IFT140: variants seen among roughly 807,000 people sequenced by gnomAD.
The protein encoded by IFT140 is intraflagellar transport 140, also known as intraflagellar transport protein 140 homolog.
IFT140 carries 133 observed loss-of-function variants against 164.6 expected under a neutral mutation model. That is an observed-to-expected ratio of 0.81 (90% CI 0.70 to 0.93). The LOEUF (loss-of-function observed/expected upper bound fraction) is 0.93. Among genes scored for constraint, IFT140 ranks in the 40% least tolerant of loss-of-function variants. IFT140 has a pLI of 0.00. For synonymous variants in IFT140, 860 were observed against 817.3 expected, an observed-to-expected ratio of 1.05 and a Z score of -0.89; for missense variants, 2,045 against 1,972.3, an observed-to-expected ratio of 1.04 and a Z score of -0.70.
chr16:1,542,115 C>A (rs755334652), intron 19 of IFT140: 2 of 1,532,928 alleles, frequency 1.3e-6, no homozygotes, highest in Admixed American at 2.0e-5. Context: ...CGCCCTTGCC[C>A]CCTGTGGCCT....
chr16:1,571,084 A>G (rs1035033792), intron 14 of IFT140, among the ~76,000 whole-genome samples: 1 of 152,148 alleles, frequency 6.6e-6, no homozygotes, highest in Non-Finnish European at 1.5e-5. Flanking sequence ...ATTTGTATAC[A>G]TTAAGGTTCA....
rs558996512 is a variant in IFT140, at chr16:1,560,584, C to A, written c.2199+1401G>T. Reference sequence around the variant, plus strand: ...TGGAGCCGGTGCGCCCGCGGTCCACCGTGGTGGCTGCTGGTGCAGTAGCAT... The same window carrying A: ...TGGAGCCGGTGCGCCCGCGGTCCACAGTGGTGGCTGCTGGTGCAGTAGCAT... On this transcript the variant is annotated intron_variant, in intron 18 of 30. Coordinates refer to ENST00000426508, the MANE Select transcript of IFT140 (RefSeq NM_014714.4). Among the ~76,000 whole-genome samples the A allele has an allele frequency of 8.6e-5, 13 of 150,742 alleles. No homozygotes were observed. In the East Asian group the frequency reaches 2.6e-3, roughly 30 times the overall value.
chr16:1,592,092 G>GA, intron 6 of IFT140, 84 bp downstream of exon 6: 1 of 1,465,888 alleles, frequency 6.8e-7, no homozygotes, highest in Non-Finnish European at 9.4e-7. Flanking sequence ...GTTCTATGCA[G>GA]AAACGCCATC....
intron 19 of IFT140, among the ~76,000 whole-genome samples, chr16:1,535,008 G>A (rs1350965961): frequency 2.0e-5 from 3 of 151,864 alleles, no homozygotes; most frequent in African/African-American, 7.3e-5. Flanking sequence ...AGTTCAAGAC[G>A]AACCTAGCCT....
chr16:1,584,064 T>A (rs1200990493), intron 11 of IFT140, among the ~76,000 whole-genome samples, 153 bp downstream of exon 11: 1 of 152,166 alleles, frequency 6.6e-6, no homozygotes, highest in Non-Finnish European at 1.5e-5. Context: ...TCTTTATGAA[T>A]ATAATGTACA....
intron 30 of IFT140, among the ~76,000 whole-genome samples, chr16:1,517,730 C>T (rs569136228): frequency 4.6e-5 from 7 of 152,202 alleles, no homozygotes; most frequent in African/African-American, 1.2e-4. Context: ...TATTCAGACT[C>T]GGGTACATGC....
At position 1,590,766 on chromosome 16, in the gene IFT140, TATTA is replaced by T. The variant is rs530142793; in HGVS notation, c.635-990_635-987del. Among the ~76,000 whole-genome samples, 23 of 152,232 alleles carry T rather than the reference TATTA, an allele frequency of 1.5e-4. No individual in the cohort carries two copies. In the South Asian group the frequency reaches 4.8e-3, roughly 32 times the overall value. On this transcript the variant is annotated intron_variant, in intron 6 of 30. Transcript: ENST00000426508. The stretch of plus-strand genomic sequence containing the variant: ...ATGGATAATGAGTTCTTATTTTTAT[TATTA>T]ATTCTTTTTTCAAGAGACAGGTTCT...
At chr16:1,555,073 C>T in intron 19 of IFT140, 1 of 1,567,902 alleles carries the variant, frequency 6.4e-7, no homozygotes, top group Non-Finnish European at 8.6e-7. Flanking sequence ...TATCGTGGAA[C>T]AGCCTAGAAA....
chr16:1,583,951 T>C (rs1221887724), intron 11 of IFT140, among the ~76,000 whole-genome samples: 1 of 152,172 alleles, frequency 6.6e-6, no homozygotes, highest in Non-Finnish European at 1.5e-5. Flanking sequence ...GCCAGGCTGG[T>C]CTCGAACTCC....
chr16:1,557,857 C>A (rs1299078199), intron 19 of IFT140, 78 bp downstream of exon 19: 2 of 1,423,266 alleles, frequency 1.4e-6, no homozygotes, highest in Non-Finnish European at 2.0e-6. Flanking sequence ...ACAGGCGAAC[C>A]AAGAAGGCAA....
chr16:1,568,238 G>A lies in IFT140; in HGVS notation c.1749C>T (p.Thr583=), dbSNP rs754445397. The A allele has an allele frequency of 1.2e-6, 2 of 1,606,814 alleles. No homozygotes were observed. Among genetic ancestry groups the A allele is most frequent in the East Asian group, 4.5e-5 (2 of 44,628 alleles). ...ASLRCSSSGS[T]ISILPSKADN... ...TCACCTTGCTGGGGAGGATGCTGAT[G>A]GTGCTCCCGCTGCTGCTGCACCGCA... Residue 583 remains threonine (T), a synonymous_variant, in exon 15 of 31, where the codon ACC becomes ACT. Transcript: ENST00000426508.
chr16:1,527,941 A>G (rs2078679186), intron 19 of IFT140, among the ~76,000 whole-genome samples: 1 of 152,170 alleles, frequency 6.6e-6, no homozygotes, highest in Non-Finnish European at 1.5e-5. Flanking sequence ...ACCAGAAATG[A>G]CTGAGGACTT....
intron 19 of IFT140, among the ~76,000 whole-genome samples, chr16:1,552,049 C>A (rs976838727): frequency 4.6e-5 from 7 of 152,160 alleles, no homozygotes; most frequent in Non-Finnish European, 1.0e-4. Context: ...GGGAGGTTGA[C>A]CCTGGAAGCC....
rs771189923 is a variant in IFT140, at chr16:1,587,962, G to A, written c.873C>T (p.Leu291=). 1.2e-6 allele frequency: 2 copies of A among 1,613,350 alleles called. No individual in the cohort carries two copies. Among genetic ancestry groups the A allele is most frequent in the South Asian group, 1.1e-5 (1 of 90,870 alleles). Residue 291 remains leucine, a synonymous_variant, in exon 8 of 31, where the codon CTC becomes CTT. Coordinates refer to ENST00000426508, the MANE Select transcript of IFT140 (RefSeq NM_014714.4). ...GGGCAGCCTCCCCGACGGCCATCAC[G>A]AGAAGGCTGCCTTCAATCAAAGCGA... The part of the protein sequence containing the change: ...ADIALIEGSL[L]VMAVGEAALR...
rs1318596942 is a variant in IFT140, at chr16:1,525,974, T to C, written c.2681A>G (p.His894Arg). 2.5e-6 allele frequency: 4 copies of C among 1,591,318 alleles called. No individual in the cohort carries two copies. The highest frequency in any genetic ancestry group is 2.6e-6 in the Non-Finnish European group (3 of 1,170,056). Residue 894 changes from histidine (H) to arginine (R), a missense_variant, in exon 21 of 31, where the codon CAC becomes CGC. Coordinates refer to ENST00000426508, the MANE Select transcript of IFT140 (RefSeq NM_014714.4). ...GCTGCGCAGGTGCACGCGATCGTGG[T>C]GCTCGGCTACCTGGAGGGCCTCCTG... is the stretch of plus-strand genomic sequence containing the variant. ...RWQEALQVAE[H>R]HDRVHLRSTY...
intron 30 of IFT140, among the ~76,000 whole-genome samples, chr16:1,515,355 A>G (rs540454106): frequency 1.3e-5 from 2 of 152,322 alleles, no homozygotes; most frequent in East Asian, 3.9e-4. Flanking sequence ...TCCAGAAACA[A>G]TGGAGGCCCA....
At chr16:1,570,952 T>C (rs941486851) in intron 14 of IFT140, among the ~76,000 whole-genome samples, 1 of 152,140 alleles carries the variant, frequency 6.6e-6, no homozygotes, top group African/African-American at 2.4e-5. Context: ...AGACAGGGTT[T>C]TGCTATGTTG....
At chr16:1,607,562 A>G (rs2036141490) in intron 2 of IFT140, among the ~76,000 whole-genome samples, 1 of 152,200 alleles carries the variant, frequency 6.6e-6, no homozygotes, top group Admixed American at 6.5e-5. Flanking sequence ...GGAGGAAAGA[A>G]AGAAAAGGCC....
At chr16:1,563,431 C>T (rs529560658) in intron 17 of IFT140, among the ~76,000 whole-genome samples, 98 of 150,436 alleles carry the variant, frequency 6.5e-4, no homozygotes, top group African/African-American at 2.3e-3. Context: ...CCAACCTGGG[C>T]GACAGAGAGA....
Sources: gnomAD v4.1 joint callset for allele counts (sites outside exome capture counted in the v4.1 genomes callset) on GRCh38, gnomAD v4.1.1 for gene constraint, MANE v1.5 for transcripts, NCBI Gene and HGNC (gene_info 2026-07-23, HGNC 2026-07-21) for gene names.